The following KCNH7 variants were observed in gnomAD, a reference collection of about 807,000 sequenced individuals.
KCNH7 encodes the protein voltage-gated inwardly rectifying potassium channel KCNH7.
In KCNH7, 49 loss-of-function variants were observed where a neutral mutation model predicts 120.8. That is an observed-to-expected ratio of 0.41 (90% CI 0.32 to 0.51). The LOEUF is 0.51. Among genes scored for constraint, KCNH7 ranks in the 20% least tolerant of loss-of-function variants. The pLI is 0.38. For synonymous variants in KCNH7, 547 were observed against 516.1 expected, an observed-to-expected ratio of 1.06 and a Z score of -0.81; for missense variants, 1,097 against 1,446.6, an observed-to-expected ratio of 0.76 and a Z score of 3.92.
At chr2:162,527,332 T>C (rs1011557571) in intron 3 of KCNH7, among the ~76,000 whole-genome samples, 6 of 152,012 alleles carry the variant, frequency 3.9e-5, no homozygotes, top group African/African-American at 1.4e-4. Flanking sequence ...TCTATAGTAA[T>C]GCTTACTGAA....
intron 2 of KCNH7, among the ~76,000 whole-genome samples, chr2:162,555,630 A>C (rs1254283316): frequency 1.3e-5 from 2 of 152,146 alleles, no homozygotes; most frequent in African/African-American, 4.8e-5. Flanking sequence ...TAATGTAGAC[A>C]CTCAAGAGTT....
At chr2:162,665,488 G>C (rs1483065840) in intron 2 of KCNH7, among the ~76,000 whole-genome samples, 1 of 151,918 alleles carries the variant, frequency 6.6e-6, no homozygotes, top group African/African-American at 2.4e-5. Context: ...AGTTATGTTT[G>C]GCACCAAAAA....
intron 2 of KCNH7, chr2:162,785,164 C>T (rs766876772): frequency 4.6e-5 from 7 of 152,142 alleles, no homozygotes; most frequent in African/African-American, 9.7e-5. Flanking sequence ...AAGATAGGTC[C>T]GTACTATTTC....
chr2:162,485,991 A>ATTTCT (rs1326673762), intron 6 of KCNH7, among the ~76,000 whole-genome samples: 14 of 152,208 alleles, frequency 9.2e-5, no homozygotes, highest in Admixed American at 2.6e-4. Flanking sequence ...ATGGCACAGA[A>ATTTCT]ATTTGTCAGC....
intron 9 of KCNH7, 110 bp downstream of exon 9, chr2:162,423,226 G>C (rs773318263): frequency 6.3e-7 from 1 of 1,593,678 alleles, no homozygotes; most frequent in African/African-American, 1.3e-5. Flanking sequence ...ACATCCGAGA[G>C]AAGAAAACAA....
intron 3 of KCNH7, among the ~76,000 whole-genome samples, chr2:162,531,926 C>T (rs962395497): frequency 7.2e-5 from 11 of 151,832 alleles, no homozygotes; most frequent in Admixed American, 2.0e-4. Flanking sequence ...TTTCATTATA[C>T]GCATATTTTT....
intron 2 of KCNH7, among the ~76,000 whole-genome samples, chr2:162,821,100 T>A (rs1685105788): frequency 6.6e-6 from 1 of 152,092 alleles, no homozygotes; most frequent in African/African-American, 2.4e-5. Flanking sequence ...TAAGGCCTAA[T>A]GGAGAGTCCA....
chr2:162,762,798 A>G (rs1689012680), intron 2 of KCNH7, among the ~76,000 whole-genome samples: 1 of 152,130 alleles, frequency 6.6e-6, no homozygotes, highest in South Asian at 2.1e-4. Context: ...ATAAAGTTAT[A>G]TAAATAATGT....
At position 162,371,443 on chromosome 2, in the gene KCNH7, T is replaced by C. The variant is rs1342238625; in HGVS notation, c.*386A>G. 5 of 1,287,618 alleles carry C rather than the reference T, an allele frequency of 3.9e-6. No individual in the cohort carries two copies. The highest frequency in any genetic ancestry group is 5.1e-6 in the Non-Finnish European group (5 of 988,252). The allele number at this position is 1,287,618 out of a possible 1,614,324, so 79.8% of individuals were successfully genotyped here. The stretch of plus-strand genomic sequence containing the variant: ...ATCATCTGAATTTGAGTTGCATCCA[T>C]GAACAGTTTTATCCCTTGGTTTCTT... On this transcript the variant is annotated 3_prime_UTR_variant, in exon 16 of 16. Transcript: ENST00000332142.
chr2:162,468,040 G>T (rs1382618769), intron 6 of KCNH7, among the ~76,000 whole-genome samples: 1 of 152,164 alleles, frequency 6.6e-6, no homozygotes, highest in Non-Finnish European at 1.5e-5. Flanking sequence ...GAATGTAGAA[G>T]AGATACAAAC....
intron 2 of KCNH7, among the ~76,000 whole-genome samples, chr2:162,800,562 AG>A (rs1684306279): frequency 6.6e-6 from 1 of 151,892 alleles, no homozygotes; most frequent in African/African-American, 2.4e-5. Context: ...TGAAGTGTTT[AG>A]CCCACTCTCA....
At chr2:162,528,122 T>C (rs1351161642) in intron 3 of KCNH7, 1 of 151,948 alleles carries the variant, frequency 6.6e-6, no homozygotes, top group Non-Finnish European at 1.5e-5. Context: ...AAAAAGTAGC[T>C]TAATTATTAA....
At chr2:162,677,286 G>A (rs1559077185) in intron 2 of KCNH7, among the ~76,000 whole-genome samples, 1 of 151,454 alleles carries the variant, frequency 6.6e-6, no homozygotes, top group African/African-American at 2.4e-5. Context: ...TTATTAAAGT[G>A]TATCACACAG....
At chr2:162,718,444 G>T (rs1687209447) in intron 2 of KCNH7, among the ~76,000 whole-genome samples, 1 of 151,906 alleles carries the variant, frequency 6.6e-6, no homozygotes, top group Non-Finnish European at 1.5e-5. Context: ...TTATCTCTTT[G>T]AGAGTAGACT....
intron 8 of KCNH7, among the ~76,000 whole-genome samples, chr2:162,433,323 C>A (rs976375150): frequency 3.9e-5 from 6 of 152,024 alleles, no homozygotes; most frequent in Admixed American, 2.0e-4. Context: ...ATAGTCAAAG[C>A]AATCCTGAAC....
At chr2:162,373,837 A>G (rs1686057732) in intron 14 of KCNH7, among the ~76,000 whole-genome samples, 175 bp from the exon 15 acceptor site, 2 of 152,224 alleles carry the variant, frequency 1.3e-5, no homozygotes, top group African/African-American at 4.8e-5. Flanking sequence ...TGTATGTCTC[A>G]CTAATTATTC....
chr2:162,492,072 A>C (rs1690329557), intron 6 of KCNH7, among the ~76,000 whole-genome samples: 1 of 152,212 alleles, frequency 6.6e-6, no homozygotes, highest in South Asian at 2.1e-4. Flanking sequence ...CGAAAAGGGC[A>C]AAAGTTCTTA....
chr2:162,661,657 G>C (rs575387930), intron 2 of KCNH7, among the ~76,000 whole-genome samples: 1 of 152,078 alleles, frequency 6.6e-6, no homozygotes, highest in Non-Finnish European at 1.5e-5. Flanking sequence ...TGTGAATTCT[G>C]ATACATAAAA....
chr2:162,699,751 T>C (rs1686424534), intron 2 of KCNH7, among the ~76,000 whole-genome samples: 1 of 152,224 alleles, frequency 6.6e-6, no homozygotes, highest in African/African-American at 2.4e-5. Flanking sequence ...CAGCTTTTCC[T>C]GTTCCTGGTG....
Sources: allele counts gnomAD v4.1 joint callset (sites outside exome capture counted in the v4.1 genomes callset), GRCh38; gene constraint gnomAD v4.1.1; transcripts MANE v1.5; gene names NCBI Gene and HGNC (gene_info 2026-07-23, HGNC 2026-07-21).